GLIS3: variants seen among roughly 807,000 people sequenced by gnomAD.
GLIS3 encodes zinc finger protein GLIS3.
Under a neutral mutation model 78.6 loss-of-function variants are expected in GLIS3, and 53 were observed. The observed-to-expected ratio is 0.67, with a 90% CI of 0.54 to 0.85. The LOEUF (loss-of-function observed/expected upper bound fraction) is 0.85, where lower values mean the gene tolerates loss of function less well. Among genes scored for constraint, GLIS3 ranks in the 40% least tolerant of loss-of-function variants. The pLI is 0.00. For missense variants in GLIS3, 1,703 were observed against 1,231.1 expected, an observed-to-expected ratio of 1.38 and a Z score of -5.74; for synonymous variants, 684 against 509.9, an observed-to-expected ratio of 1.34 and a Z score of -4.60.
At chr9:4,355,453 C>G in the GLIS3 span, among the ~76,000 whole-genome samples, 1 of 152,136 alleles carries the variant, frequency 6.6e-6, no homozygotes, top group Non-Finnish European at 1.5e-5. Context: ...CTTCTAGGAA[C>G]AATAACTTGG....
chr9:4,355,170 G>C, the GLIS3 span, among the ~76,000 whole-genome samples: 1 of 151,914 alleles, frequency 6.6e-6, no homozygotes, highest in Non-Finnish European at 1.5e-5. Context: ...AAGAGAGAGA[G>C]TTCCCTGAGT....
chr9:4,247,455 C>T (rs1456765938), intron 2 of GLIS3, among the ~76,000 whole-genome samples: 1 of 152,054 alleles, frequency 6.6e-6, no homozygotes, highest in African/African-American at 2.4e-5. Flanking sequence ...TATAAATACA[C>T]CCTCTCATGC....
intron 2 of GLIS3, among the ~76,000 whole-genome samples, chr9:4,145,521 C>T (rs570869343): frequency 1.6e-3 from 246 of 152,240 alleles, no homozygotes; most frequent in Non-Finnish European, 3.0e-3. Flanking sequence ...CACAGGATAT[C>T]GCAACACACA....
intron 3 of GLIS3, among the ~76,000 whole-genome samples, chr9:4,120,697 G>T (rs989071253): frequency 1.3e-5 from 2 of 152,160 alleles, no homozygotes; most frequent in African/African-American, 4.8e-5. Context: ...GGTTGAGAAG[G>T]TTCATAGAAC....
chr9:4,316,528 TG>T (rs1208917108), intron 2 of GLIS3, among the ~76,000 whole-genome samples: 3 of 152,182 alleles, frequency 2.0e-5, no homozygotes, highest in Non-Finnish European at 4.4e-5. Flanking sequence ...CTGTGTGGAG[TG>T]TACATGTTCT....
intron 4 of GLIS3, among the ~76,000 whole-genome samples, chr9:4,088,719 G>A (rs999122950): frequency 2.0e-5 from 3 of 152,214 alleles, no homozygotes; most frequent in Admixed American, 1.3e-4. Context: ...GGAACCTACA[G>A]TTTAGCGTGG....
At chr9:3,861,769 A>G (rs1820228924) in intron 8 of GLIS3, among the ~76,000 whole-genome samples, 1 of 152,172 alleles carries the variant, frequency 6.6e-6, no homozygotes, top group Non-Finnish European at 1.5e-5. Context: ...GGAACAGCAC[A>G]CACTGGGGCC....
At chr9:4,443,858 G>A in the GLIS3 span, among the ~76,000 whole-genome samples, 2 of 152,136 alleles carry the variant, frequency 1.3e-5, no homozygotes, top group African/African-American at 2.4e-5. Context: ...GTGTCAAAAA[G>A]GTTGGCTCAA....
chr9:4,175,206 C>G lies in GLIS3; in HGVS notation c.389-49265G>C, dbSNP rs77123280. On this transcript the variant is annotated intron_variant, in intron 2 of 10. Coordinates refer to ENST00000381971, the MANE Select transcript of GLIS3 (RefSeq NM_001042413.2). ...CCATTAGAACCTCATACTCTCAGCC[C>G]CAAGCCTCTTTATTAAAAGCAAATG... Among the ~76,000 whole-genome samples the G allele has an allele frequency of 1.6e-3, 249 of 152,260 alleles. 8 individuals are homozygous for G. In the East Asian group the frequency reaches 0.042, roughly 25 times the overall value.
chr9:4,177,405 G>A (rs1408314837), intron 2 of GLIS3, among the ~76,000 whole-genome samples: 3 of 152,146 alleles, frequency 2.0e-5, no homozygotes, highest in African/African-American at 7.2e-5. Flanking sequence ...ATCACTTTTA[G>A]ATCAGCCCCA....
At chr9:4,381,039 A>T in the GLIS3 span, among the ~76,000 whole-genome samples, 1 of 152,134 alleles carries the variant, frequency 6.6e-6, no homozygotes, top group Non-Finnish European at 1.5e-5. Context: ...CAAATTGTTG[A>T]TGGGTAAAAA....
At chr9:4,026,674 G>A (rs1823377442) in intron 4 of GLIS3, among the ~76,000 whole-genome samples, 1 of 152,130 alleles carries the variant, frequency 6.6e-6, no homozygotes, top group Non-Finnish European at 1.5e-5. Context: ...CTAACTAGTA[G>A]ATATTTTGAC....
At chr9:4,424,199 T>G in the GLIS3 span, among the ~76,000 whole-genome samples, 4 of 152,196 alleles carry the variant, frequency 2.6e-5, no homozygotes, top group Admixed American at 1.3e-4. Context: ...AGGAAGAACT[T>G]TGGACTTAAA....
intron 9 of GLIS3, among the ~76,000 whole-genome samples, chr9:3,845,913 C>T (rs1236448000): frequency 6.6e-6 from 1 of 152,190 alleles, no homozygotes; most frequent in Non-Finnish European, 1.5e-5. Flanking sequence ...TTTCCAGCTC[C>T]ACTGTTTCAA....
chr9:4,060,099 G>T (rs1826519938), intron 4 of GLIS3, among the ~76,000 whole-genome samples: 2 of 151,944 alleles, frequency 1.3e-5, no homozygotes, highest in Non-Finnish European at 2.9e-5. Flanking sequence ...TGGTAGCCCT[G>T]GTAGCGCATA....
chr9:4,067,803 C>CA (rs5896043), intron 4 of GLIS3, among the ~76,000 whole-genome samples: 102,461 of 149,274 alleles, frequency 0.69, 35,261 homozygotes, highest in East Asian at 0.95. Context: ...AACATTAGAG[C>CA]AAAAAAAAAA....
intron 2 of GLIS3, among the ~76,000 whole-genome samples, chr9:4,214,195 A>T (rs1254965170): frequency 6.6e-6 from 1 of 152,188 alleles, no homozygotes; most frequent in Non-Finnish European, 1.5e-5. Flanking sequence ...ATTGCTCAAA[A>T]ATAAATTCTG....
chr9:4,120,606 G>A (rs755763750), intron 3 of GLIS3, among the ~76,000 whole-genome samples: 9 of 152,304 alleles, frequency 5.9e-5, no homozygotes, highest in South Asian at 2.1e-4. Context: ...CAGCAAGATC[G>A]AGGAATTGCT....
chr9:4,268,363 A>G (rs1826205294), intron 2 of GLIS3, among the ~76,000 whole-genome samples: 1 of 152,204 alleles, frequency 6.6e-6, no homozygotes, highest in African/African-American at 2.4e-5. Flanking sequence ...AGTGTTATCT[A>G]TGTATTGCCT....
Sources: gnomAD v4.1 joint callset for allele counts (sites outside exome capture counted in the v4.1 genomes callset) on GRCh38, gnomAD v4.1.1 for gene constraint, MANE v1.5 for transcripts, NCBI Gene and HGNC (gene_info 2026-07-23, HGNC 2026-07-21) for gene names.